Variants in ARID3B observed in about 807,000 individuals in gnomAD.
ARID3B encodes the protein AT-rich interactive domain-containing protein 3B.
ARID3B carries 10 observed loss-of-function variants against 51.9 expected under a neutral mutation model. That is an observed-to-expected ratio of 0.19 (90% CI 0.12 to 0.33). The LOEUF is 0.33. Among genes scored for constraint, ARID3B ranks in the 10% least tolerant of loss-of-function variants. The pLI, the probability that ARID3B is intolerant of heterozygous loss-of-function variation, is 1.00. For missense variants in ARID3B, 483 were observed against 716.3 expected, an observed-to-expected ratio of 0.67 and a Z score of 3.72; for synonymous variants, 205 against 279.5, an observed-to-expected ratio of 0.73 and a Z score of 2.66.
intron 2 of ARID3B, among the ~76,000 whole-genome samples, chr15:74,548,290 A>G (rs1383626056): frequency 1.3e-5 from 2 of 152,156 alleles, no homozygotes; most frequent in Non-Finnish European, 2.9e-5. Flanking sequence ...TCTTGAGCCC[A>G]TTGGTAGAGC....
Position 74,589,902 on chromosome 15 carries a change from A to C in ARID3B, c.780A>C (p.Gly260=), listed in dbSNP as rs763752668. The C allele has an allele frequency of 1.9e-6, 3 of 1,613,890 alleles. No homozygotes were observed. The highest frequency in any genetic ancestry group is 4.5e-5 in the East Asian group (2 of 44,890). ...TGTATAAGCTGGTGACCGAGAAGGGAGGCCTGGTGGAGATCATCAACAAGA... is the reference window on the plus strand; with the variant it reads ...TGTATAAGCTGGTGACCGAGAAGGGCGGCCTGGTGGAGATCATCAACAAGA... ...YMLYKLVTEK[G]GLVEIINKKI... is the part of the protein sequence containing the mutation. Residue 260 remains glycine, a synonymous_variant, in exon 5 of 9, where the codon GGA becomes GGC. Transcript: ENST00000346246.
At chr15:74,555,694 T>G (rs1328950408) in intron 2 of ARID3B, among the ~76,000 whole-genome samples, 1 of 151,706 alleles carries the variant, frequency 6.6e-6, no homozygotes, top group African/African-American at 2.4e-5. Context: ...CCTAGAACAG[T>G]GAATCCTTTC....
intron 1 of ARID3B, among the ~76,000 whole-genome samples, chr15:74,541,738 G>A (rs1414522263): frequency 6.6e-6 from 1 of 152,082 alleles, no homozygotes; most frequent in Non-Finnish European, 1.5e-5. Flanking sequence ...GGCTTACAGG[G>A]GCCCGGGGCC....
chr15:74,583,052 T>G (rs569132809), intron 4 of ARID3B, among the ~76,000 whole-genome samples: 6 of 149,344 alleles, frequency 4.0e-5, no homozygotes, highest in Non-Finnish European at 8.9e-5. Flanking sequence ...AAAAAAAAAT[T>G]AGCTGGATGT....
intron 4 of ARID3B, among the ~76,000 whole-genome samples, chr15:74,584,529 A>T (rs181539602): frequency 2.7e-3 from 418 of 152,238 alleles, no homozygotes; most frequent in Middle Eastern, 6.8e-3. Context: ...GAAGGCAGCC[A>T]TATGAGTCTG....
intron 2 of ARID3B, among the ~76,000 whole-genome samples, chr15:74,561,108 G>A (rs962890160): frequency 1.3e-5 from 2 of 152,162 alleles, no homozygotes. Flanking sequence ...TCAACTTGAT[G>A]TGTGGTTCTT....
intron 2 of ARID3B, among the ~76,000 whole-genome samples, chr15:74,558,178 C>CTTTTTTTTTTTTTTTTTTTT (rs1208034661): frequency 9.6e-6 from 1 of 104,668 alleles, no homozygotes; most frequent in African/African-American, 3.9e-5. Flanking sequence ...TGGTTTGTGT[C>CTTTTTTTTTTTTTTTTTTTT]TTTTTTTTTT....
chr15:74,547,235 T>C (rs1190803464), intron 2 of ARID3B, among the ~76,000 whole-genome samples: 1 of 149,544 alleles, frequency 6.7e-6, no homozygotes, highest in Admixed American at 6.7e-5. Context: ...CTCGGCTTCC[T>C]GCAACCTCCG....
chr15:74,551,852 C>T (rs1258385039), intron 2 of ARID3B, among the ~76,000 whole-genome samples: 1 of 151,886 alleles, frequency 6.6e-6, no homozygotes, highest in Non-Finnish European at 1.5e-5. Context: ...CCTACTCACT[C>T]CTCAGCATAC....
chr15:74,576,466 G>T (rs1345371548), intron 4 of ARID3B, among the ~76,000 whole-genome samples: 2 of 152,126 alleles, frequency 1.3e-5, no homozygotes, highest in African/African-American at 4.8e-5. Flanking sequence ...GTGAGTCTCA[G>T]TAACATAGTG....
At chr15:74,589,196 T>A (rs1055843672) in intron 4 of ARID3B, among the ~76,000 whole-genome samples, 7 of 150,998 alleles carry the variant, frequency 4.6e-5, no homozygotes, top group Non-Finnish European at 8.9e-5. Flanking sequence ...CCAGGCTAAT[T>A]TTTTTTGTAT....
At chr15:74,549,648 T>C (rs2061629171) in intron 2 of ARID3B, among the ~76,000 whole-genome samples, 1 of 152,210 alleles carries the variant, frequency 6.6e-6, no homozygotes, top group South Asian at 2.1e-4. Flanking sequence ...TGCAAAGTAT[T>C]GCCCAAAAAA....
At chr15:74,556,769 G>GTTT (rs2061659559) in intron 2 of ARID3B, among the ~76,000 whole-genome samples, 64 of 126,248 alleles carry the variant, frequency 5.1e-4, no homozygotes, top group South Asian at 3.3e-3. Context: ...TCTTTTTTTT[G>GTTT]TTTTTTGTTT....
Position 74,593,247 on chromosome 15 carries a change from G to T in ARID3B, c.1519+11G>T. ...GCACCACCTATGCAGGTGAGGCCCT[G>T]GAGCTCTGGGGGAGGCCCACGTGGC... On this transcript the variant is annotated intron_variant, in intron 8 of 8. Coordinates refer to ENST00000346246, the MANE Select transcript of ARID3B (RefSeq NM_006465.4). 6.2e-7 allele frequency: 1 copy of T among 1,608,562 alleles called. No individual in the cohort carries two copies.
chr15:74,583,730 A>C (rs181749256), intron 4 of ARID3B, among the ~76,000 whole-genome samples: 1 of 152,124 alleles, frequency 6.6e-6, no homozygotes, highest in African/African-American at 2.4e-5. Flanking sequence ...AAAAAAAAAA[A>C]AGTTCTTTAT....
Position 74,541,223 on chromosome 15 carries a change from G to GCCCCGGCTGTGGC in ARID3B, c.-175_-163dup, listed in dbSNP as rs2061593266. 1 of 142,914 alleles carries GCCCCGGCTGTGGC rather than the reference G, an allele frequency of 7.0e-6. No individual in the cohort carries two copies. Among genetic ancestry groups the GCCCCGGCTGTGGC allele is most frequent in the Admixed American group, 6.9e-5 (1 of 14,408 alleles). 8.9% of individuals were successfully genotyped at this position (142,914 alleles called of 1,614,324 possible). A position where few individuals can be genotyped will look rare whatever the true frequency, so the allele number is the denominator to read the frequency against. On this transcript the variant is annotated 5_prime_UTR_variant, in exon 1 of 9. Coordinates refer to ENST00000346246, the MANE Select transcript of ARID3B (RefSeq NM_006465.4). ...CGGCGCCGCTTCCGGTGCGGGCCCC[G>GCCCCGGCTGTGGC]CCCCGGCTGTGGCCCCCGGCTGCGG...
Position 74,597,482 on chromosome 15 carries a change from C to A in ARID3B, c.*1708C>A, listed in dbSNP as rs1954721339. 8 of 531,414 alleles carry A rather than the reference C, an allele frequency of 1.5e-5. No homozygotes were observed. In the Admixed American group the frequency reaches 1.6e-4, roughly 11 times the overall value. 32.9% of individuals were successfully genotyped at this position (531,414 alleles called of 1,614,324 possible). ...TCAACTGCGTCTTCTCTCAGCCCTC[C>A]ACACACACTCACCCCCACTCCCACA... On this transcript the variant is annotated 3_prime_UTR_variant, in exon 9 of 9. Transcript: ENST00000346246.
At position 74,543,929 on chromosome 15, in the gene ARID3B, A is replaced by T; in HGVS notation, c.-8A>T. The stretch of plus-strand genomic sequence containing the variant: ...CATGCCACTCTGTGGGTGAAGCTTG[A>T]GGCAAAAATGGAGCCACTTCAGCAG... On this transcript the variant is annotated 5_prime_UTR_variant, in exon 2 of 9. Coordinates refer to ENST00000346246, the MANE Select transcript of ARID3B (RefSeq NM_006465.4). 6.2e-7 allele frequency: 1 copy of T among 1,604,640 alleles called. No homozygotes were observed. Among genetic ancestry groups the T allele is most frequent in the Non-Finnish European group, 8.5e-7 (1 of 1,175,222 alleles).
At chr15:74,595,497 T>G (rs1240549557) in intron 8 of ARID3B, 114 bp from the exon 9 acceptor site, 1 of 1,186,322 alleles carries the variant, frequency 8.4e-7, no homozygotes, top group Non-Finnish European at 1.2e-6. Flanking sequence ...CCTAGCACAG[T>G]GTCTACAGCG....
Sources: gnomAD v4.1 joint callset for allele counts (sites outside exome capture counted in the v4.1 genomes callset) on GRCh38, gnomAD v4.1.1 for gene constraint, MANE v1.5 for transcripts, NCBI Gene and HGNC (gene_info 2026-07-23, HGNC 2026-07-21) for gene names.